Variants in SRPK2 observed in about 807,000 individuals in gnomAD.
SRPK2 encodes SFRS protein kinase 2.
A neutral mutation model predicts 90.8 loss-of-function variants in SRPK2; 21 were observed. The observed-to-expected ratio is 0.23, with a 90% CI of 0.16 to 0.33. The LOEUF (loss-of-function observed/expected upper bound fraction) is 0.33, where lower values mean the gene tolerates loss of function less well. Ranked by LOEUF, SRPK2 falls within the 10% of genes least tolerant of loss-of-function variation. SRPK2 has a pLI of 1.00. For synonymous variants in SRPK2, 288 were observed against 311.1 expected, an observed-to-expected ratio of 0.93 and a Z score of 0.78; for missense variants, 620 against 869.0, an observed-to-expected ratio of 0.71 and a Z score of 3.60.
intron 2 of SRPK2, among the ~76,000 whole-genome samples, chr7:105,291,264 A>G (rs2131034106): frequency 6.6e-6 from 1 of 152,336 alleles, no homozygotes; most frequent in South Asian, 2.1e-4. Context: ...ACTTTTAAGT[A>G]GGGCAGAAAT....
At chr7:105,336,399 T>C (rs1815094782) in intron 2 of SRPK2, among the ~76,000 whole-genome samples, 1 of 152,172 alleles carries the variant, frequency 6.6e-6, no homozygotes, top group Non-Finnish European at 1.5e-5. Flanking sequence ...TTATTAGAAA[T>C]ATAAAACCTT....
intron 3 of SRPK2, among the ~76,000 whole-genome samples, chr7:105,170,873 AAG>A (rs1563025391): frequency 6.1e-5 from 8 of 130,098 alleles, no homozygotes; most frequent in African/African-American, 1.2e-4. Context: ...GAAAGAAAGA[AAG>A]AAAGAAAGAA....
rs34789062 is a variant in SRPK2 at position 105,353,503 on chromosome 7, TTTGTTG to T, written c.71+35139_71+35144del. Among the ~76,000 whole-genome samples the T allele has an allele frequency of 9.8e-3, 1,427 of 146,162 alleles. 22 individuals carry two copies. The highest frequency in any genetic ancestry group is 0.029 in the African/African-American group (1,168 of 39,620). On this transcript the variant is annotated intron_variant, in intron 2 of 15. Transcript: ENST00000393651. ...TACAGGAGCGTGCCATCCAGCCCAG[TTTGTTG>T]TTGTTGTTGTTGTTGTTGTTGTTGT...
intron 3 of SRPK2, 26 bp downstream of exon 3, chr7:105,203,602 C>T (rs1795830570): frequency 6.8e-7 from 1 of 1,463,656 alleles, no homozygotes; most frequent in South Asian, 1.5e-5. Flanking sequence ...AAGGCAAGCC[C>T]CACACCACCA....
chr7:105,343,912 G>A (rs370448326), intron 2 of SRPK2, among the ~76,000 whole-genome samples: 29 of 152,034 alleles, frequency 1.9e-4, no homozygotes, highest in Admixed American at 5.9e-4. Flanking sequence ...ACAGGCATGC[G>A]CCACCACACC....
intron 2 of SRPK2, among the ~76,000 whole-genome samples, chr7:105,292,650 C>A (rs552492771): frequency 1.3e-5 from 2 of 152,290 alleles, no homozygotes; most frequent in Non-Finnish European, 2.9e-5. Context: ...CATATTGGGA[C>A]AGCGCTTTTT....
chr7:105,391,313 C>T (rs929648898), upstream of SRPK2, among the ~76,000 whole-genome samples: 1 of 152,084 alleles, frequency 6.6e-6, no homozygotes, highest in Non-Finnish European at 1.5e-5. Context: ...TCAAGTGATT[C>T]TCCTGCCTCA....
At chr7:105,157,637 T>C (rs1806719813) in intron 7 of SRPK2, among the ~76,000 whole-genome samples, 2 of 152,030 alleles carry the variant, frequency 1.3e-5, no homozygotes, top group South Asian at 4.2e-4. Flanking sequence ...AAACCAAAAT[T>C]CCATTAACAC....
intron 2 of SRPK2, among the ~76,000 whole-genome samples, chr7:105,232,458 T>TAA (rs10533429): frequency 6.1e-5 from 8 of 132,092 alleles, no homozygotes; most frequent in East Asian, 5.8e-4. Flanking sequence ...AAACCTTATC[T>TAA]AAAAAAAAAA....
intron 2 of SRPK2, among the ~76,000 whole-genome samples, chr7:105,215,040 T>C (rs1797285152): frequency 1.3e-5 from 2 of 152,210 alleles, no homozygotes; most frequent in South Asian, 4.1e-4. Context: ...AGCCTTGCAT[T>C]TATAGTCAAC....
intron 6 of SRPK2, 132 bp from the exon 7 acceptor site, chr7:105,160,745 C>A: frequency 1.9e-6 from 1 of 538,020 alleles, no homozygotes; most frequent in East Asian, 2.9e-5. Flanking sequence ...TCAGTAATAC[C>A]AAAAGTGAGA....
At chr7:105,301,046 C>G (rs1563212629) in intron 2 of SRPK2, among the ~76,000 whole-genome samples, 1 of 152,134 alleles carries the variant, frequency 6.6e-6, no homozygotes, top group Non-Finnish European at 1.5e-5. Flanking sequence ...TAAATCATGC[C>G]ACTATAAAGA....
intron 3 of SRPK2, among the ~76,000 whole-genome samples, chr7:105,194,295 T>G (rs564234606): frequency 2.6e-5 from 4 of 152,136 alleles, no homozygotes; most frequent in African/African-American, 9.7e-5. Flanking sequence ...ACTGTAAGAT[T>G]AGAAACAAGA....
intron 2 of SRPK2, among the ~76,000 whole-genome samples, chr7:105,205,511 TCTCTCTCACACACACACACA>T (rs1217290533): frequency 7.9e-4 from 51 of 64,868 alleles, no homozygotes; most frequent in Middle Eastern, 9.3e-3. Context: ...TCTCTCTCTC[TCTCTCTCACACACACACACA>T]CACACACACA....
chr7:105,249,498 A>G (rs938609056), intron 2 of SRPK2, among the ~76,000 whole-genome samples: 10 of 152,228 alleles, frequency 6.6e-5, no homozygotes, highest in African/African-American at 2.2e-4. Flanking sequence ...AAGAACAGAA[A>G]AAAAAAAACT....
At chr7:105,180,715 G>A (rs1240705041) in intron 3 of SRPK2, among the ~76,000 whole-genome samples, 1 of 152,178 alleles carries the variant, frequency 6.6e-6, no homozygotes, top group Non-Finnish European at 1.5e-5. Flanking sequence ...CCGAGATGGT[G>A]CCACTGCACT....
At chr7:105,346,668 T>C (rs938284465) in intron 2 of SRPK2, among the ~76,000 whole-genome samples, 3 of 151,758 alleles carry the variant, frequency 2.0e-5, no homozygotes, top group African/African-American at 7.3e-5. Flanking sequence ...GCAGAAGAAC[T>C]GATTGAACCC....
chr7:105,151,393 T>C (rs1805625394), intron 7 of SRPK2, among the ~76,000 whole-genome samples: 1 of 152,210 alleles, frequency 6.6e-6, no homozygotes, highest in Non-Finnish European at 1.5e-5. Context: ...CACACAAATG[T>C]AGCAATAAGC....
At chr7:105,148,834 A>C (rs1805059190) in intron 7 of SRPK2, among the ~76,000 whole-genome samples, 1 of 152,234 alleles carries the variant, frequency 6.6e-6, no homozygotes, top group South Asian at 2.1e-4. Context: ...TGTTATATGA[A>C]ATCAAGGTTT....
Sources: allele counts gnomAD v4.1 joint callset (sites outside exome capture counted in the v4.1 genomes callset), GRCh38; gene constraint gnomAD v4.1.1; transcripts MANE v1.5; gene names NCBI Gene and HGNC (gene_info 2026-07-23, HGNC 2026-07-21).